The following SMYD3 variants were observed in gnomAD, a reference collection of about 807,000 sequenced individuals.
SMYD3 encodes the protein SET and MYND domain containing 3, also known as histone-lysine N-methyltransferase SMYD3.
A neutral mutation model predicts 57.7 loss-of-function variants in SMYD3; 36 were observed. That is an observed-to-expected ratio of 0.62 (90% CI 0.48 to 0.82). SMYD3 has a LOEUF of 0.82. SMYD3 is among the 40% of genes least tolerant of loss of function. The pLI is 0.00. For synonymous variants in SMYD3, 211 were observed against 195.0 expected, an observed-to-expected ratio of 1.08 and a Z score of -0.68; for missense variants, 515 against 538.8, an observed-to-expected ratio of 0.96 and a Z score of 0.44.
intron 9 of SMYD3, among the ~76,000 whole-genome samples, chr1:245,861,523 G>T (rs932630791): frequency 1.1e-4 from 16 of 152,124 alleles, no homozygotes; most frequent in Non-Finnish European, 1.6e-4. Flanking sequence ...TCATCCCATG[G>T]CCTCCTCTCA....
intron 11 of SMYD3, among the ~76,000 whole-genome samples, chr1:245,750,665 A>C (rs1233430831): frequency 6.7e-6 from 1 of 148,932 alleles, no homozygotes; most frequent in Non-Finnish European, 1.5e-5. Context: ...GTATCCTTGA[A>C]AATATTTTTG....
Position 246,328,873 on chromosome 1 carries a change from C to A in SMYD3, c.395-1536G>T, listed in dbSNP as rs532365245. ...ACCCCACAACAGTCCCCAGAGTGTG[C>A]TGTTCCCCTTCCTGTGTCCATGTGT... is the stretch of plus-strand genomic sequence containing the variant. On this transcript the variant is annotated intron_variant, in intron 4 of 11. Coordinates refer to ENST00000490107, the MANE Select transcript of SMYD3 (RefSeq NM_001167740.2). Among the ~76,000 whole-genome samples, 94 of 151,304 alleles carry A rather than the reference C, an allele frequency of 6.2e-4. 1 individual carries two copies. The East Asian group carries it at 0.016, about 25-fold the overall frequency.
At chr1:246,452,642 A>T (rs1435325595) in intron 1 of SMYD3, among the ~76,000 whole-genome samples, 3 of 152,218 alleles carry the variant, frequency 2.0e-5, no homozygotes, top group Admixed American at 6.5e-5. Context: ...AGGAGAGTTC[A>T]CTATTAGGAA....
chr1:245,855,181 C>G (rs2051175468), intron 10 of SMYD3, among the ~76,000 whole-genome samples: 1 of 152,184 alleles, frequency 6.6e-6, no homozygotes, highest in Non-Finnish European at 1.5e-5. Flanking sequence ...CCTGAAAGTC[C>G]TCTTCAAAGC....
intron 5 of SMYD3, among the ~76,000 whole-genome samples, chr1:246,284,539 C>G (rs1319970061): frequency 6.6e-6 from 1 of 151,804 alleles, no homozygotes; most frequent in Non-Finnish European, 1.5e-5. Flanking sequence ...GCCTCAGCCT[C>G]CTGAGTAGCT....
intron 1 of SMYD3, among the ~76,000 whole-genome samples, chr1:246,497,529 T>C (rs767995557): frequency 1.6e-4 from 25 of 152,174 alleles, no homozygotes; most frequent in Non-Finnish European, 3.1e-4. Context: ...TAAGAGATAA[T>C]GGGGAACTCC....
At chr1:245,846,009 C>T (rs908886750) in intron 10 of SMYD3, among the ~76,000 whole-genome samples, 3 of 152,180 alleles carry the variant, frequency 2.0e-5, no homozygotes, top group Non-Finnish European at 2.9e-5. Context: ...CCAAAGCCAT[C>T]CATCCCAAAT....
Position 246,253,089 on chromosome 1 carries a change from T to C in SMYD3, c.531+74112A>G, listed in dbSNP as rs147425065. Among the ~76,000 whole-genome samples, 313 of 152,340 alleles carry C rather than the reference T, an allele frequency of 2.1e-3. 4 individuals are homozygous for C. The highest frequency in any genetic ancestry group is 0.016 in the Admixed American group (244 of 15,300). Reference sequence around the variant, plus strand: ...AAATATGTGCCTGAAACTGATAGTTTGAATTTAATAAATTTTTCTGGGATT... The same window carrying C: ...AAATATGTGCCTGAAACTGATAGTTCGAATTTAATAAATTTTTCTGGGATT... On this transcript the variant is annotated intron_variant, in intron 5 of 11. Transcript: ENST00000490107.
chr1:246,254,279 T>C (rs969367286), intron 5 of SMYD3, among the ~76,000 whole-genome samples: 1 of 152,232 alleles, frequency 6.6e-6, no homozygotes, highest in Non-Finnish European at 1.5e-5. Context: ...GATCTTAAAC[T>C]TAAATCTTTT....
At chr1:246,432,369 A>G (rs1041138193) in intron 1 of SMYD3, among the ~76,000 whole-genome samples, 1 of 152,242 alleles carries the variant, frequency 6.6e-6, no homozygotes, top group African/African-American at 2.4e-5. Flanking sequence ...AAAGTTAATC[A>G]TTCCACTTGT....
At chr1:246,288,543 G>T (rs2064620087) in intron 5 of SMYD3, among the ~76,000 whole-genome samples, 1 of 152,050 alleles carries the variant, frequency 6.6e-6, no homozygotes, top group Non-Finnish European at 1.5e-5. Flanking sequence ...TAAAAGCTAA[G>T]GCTAGTCCAG....
At chr1:246,476,623 A>G (rs1301185602) in intron 1 of SMYD3, among the ~76,000 whole-genome samples, 3 of 152,218 alleles carry the variant, frequency 2.0e-5, no homozygotes, top group Non-Finnish European at 4.4e-5. Flanking sequence ...TATATCTGCA[A>G]TTCAAATACA....
chr1:245,865,991 A>G (rs2362585), intron 8 of SMYD3, among the ~76,000 whole-genome samples: 84,457 of 131,710 alleles, frequency 0.64, 26,660 homozygotes, highest in Non-Finnish European at 0.78. Flanking sequence ...GGCCAGTGTG[A>G]AGGATGACAT....
intron 5 of SMYD3, chr1:246,179,280 T>C (rs72774414): frequency 0.063 from 9,693 of 152,798 alleles, 625 homozygotes; most frequent in Admixed American, 0.2. Flanking sequence ...GCCTTTCAAT[T>C]GCCCTCCAAG....
chr1:246,103,312 T>C (rs1157168672), intron 5 of SMYD3, among the ~76,000 whole-genome samples: 1 of 152,204 alleles, frequency 6.6e-6, no homozygotes, highest in East Asian at 1.9e-4. Context: ...ATAATGTTGA[T>C]TATTTTGAGA....
chr1:246,063,919 C>A lies in SMYD3; in HGVS notation c.532-133982G>T, dbSNP rs1048086833. Reference sequence around the variant, plus strand: ...CCTCCCAAAGTGCTGGGATTAGAGGCGTAAGCCACCACGCCCAGCCCAGGT... The same window carrying A: ...CCTCCCAAAGTGCTGGGATTAGAGGAGTAAGCCACCACGCCCAGCCCAGGT... On this transcript the variant is annotated intron_variant, in intron 5 of 11. Coordinates refer to ENST00000490107, the MANE Select transcript of SMYD3 (RefSeq NM_001167740.2). Among the ~76,000 whole-genome samples the A allele has an allele frequency of 3.3e-5, 5 of 152,152 alleles. No individual in the cohort carries two copies. In the East Asian group the frequency reaches 5.8e-4, roughly 18 times the overall value.
In SMYD3 at chr1:246,108,486, C is replaced by G. The variant is rs563958129; in HGVS notation, c.532-178549G>C. On this transcript the variant is annotated intron_variant, in intron 5 of 11. Transcript: ENST00000490107. ...ACCCTCTTCAACAATCTTTGCTTTA[C>G]TGAGTTCCGGGTGGACTATTTAAAT... 5 of 152,330 alleles carry G rather than the reference C, an allele frequency of 3.3e-5. 1 individual carries two copies. The South Asian group carries it at 1.0e-3, about 32-fold the overall frequency. The allele number at this position is 152,330 out of a possible 1,614,324, so 9.4% of individuals were successfully genotyped here. A position where few individuals can be genotyped will look rare whatever the true frequency, so the allele number is the denominator to read the frequency against.
At chr1:246,000,039 C>T (rs2059011014) in intron 5 of SMYD3, among the ~76,000 whole-genome samples, 1 of 152,206 alleles carries the variant, frequency 6.6e-6, no homozygotes, top group South Asian at 2.1e-4. Context: ...ATGAGATAGG[C>T]TATGACTGTT....
At chr1:246,069,751 CAGG>C (rs1321591245) in intron 5 of SMYD3, among the ~76,000 whole-genome samples, 1 of 152,196 alleles carries the variant, frequency 6.6e-6, no homozygotes, top group Non-Finnish European at 1.5e-5. Flanking sequence ...GAGGCAGCAG[CAGG>C]CTCACTCCTC....
Sources: allele counts gnomAD v4.1 joint callset (sites outside exome capture counted in the v4.1 genomes callset), GRCh38; gene constraint gnomAD v4.1.1; transcripts MANE v1.5; gene names NCBI Gene and HGNC (gene_info 2026-07-23, HGNC 2026-07-21).